Variants in TGM4 observed in about 807,000 individuals in gnomAD.
TGM4 encodes the protein protein-glutamine gamma-glutamyltransferase 4.
TGM4 carries 61 observed loss-of-function variants against 76.3 expected under a neutral mutation model. The ratio of observed to expected loss-of-function variants is 0.80; its 90% CI spans 0.65 to 0.99. The LOEUF (loss-of-function observed/expected upper bound fraction) is 0.99. Ranked by LOEUF, TGM4 falls within the 50% of genes least tolerant of loss-of-function variation. TGM4 has a pLI of 0.00. For missense variants in TGM4, 794 were observed against 843.2 expected, an observed-to-expected ratio of 0.94 and a Z score of 0.72; for synonymous variants, 337 against 329.8, an observed-to-expected ratio of 1.02 and a Z score of -0.24.
chr3:44,912,986 C>T (rs114695136), intron 13 of TGM4, among the ~76,000 whole-genome samples: 2,104 of 152,330 alleles, frequency 0.014, 24 homozygotes, highest in Non-Finnish European at 0.021. Flanking sequence ...TGGTCTGTTT[C>T]TTACAGGATG....
chr3:44,881,380 C>T (rs929749714), intron 1 of TGM4, among the ~76,000 whole-genome samples: 2 of 152,102 alleles, frequency 1.3e-5, no homozygotes, highest in Non-Finnish European at 2.9e-5. Context: ...TTTTCTGTTG[C>T]TTATAAAAGA....
chr3:44,887,889 T>G, intron 3 of TGM4, 94 bp downstream of exon 3: 1 of 1,112,620 alleles, frequency 9.0e-7, no homozygotes, highest in Non-Finnish European at 1.3e-6. Flanking sequence ...ACCTGTCAGC[T>G]GGTAACATGG....
At chr3:44,898,001 GC>G (rs1301806327) in intron 6 of TGM4, among the ~76,000 whole-genome samples, 2 of 152,230 alleles carry the variant, frequency 1.3e-5, no homozygotes, top group African/African-American at 4.8e-5. Context: ...GCAGAGGACG[GC>G]CGGGCGTGGT....
At chr3:44,901,177 C>T (rs1387032436) in intron 6 of TGM4, among the ~76,000 whole-genome samples, 1 of 152,184 alleles carries the variant, frequency 6.6e-6, no homozygotes, top group Non-Finnish European at 1.5e-5. Flanking sequence ...GAAGTTGAGG[C>T]TGCAGTGAGC....
chr3:44,910,896 G>A, intron 11 of TGM4, 62 bp from the exon 12 acceptor site: 3 of 1,553,110 alleles, frequency 1.9e-6, no homozygotes, highest in Non-Finnish European at 2.6e-6. Flanking sequence ...GCTTGATGAG[G>A]AGAACTCATA....
At chr3:44,884,966 G>C (rs1384846888) in intron 1 of TGM4, among the ~76,000 whole-genome samples, 2 of 152,182 alleles carry the variant, frequency 1.3e-5, no homozygotes, top group African/African-American at 2.4e-5. Flanking sequence ...GGGGGAGTTG[G>C]GGTGGGAAAC....
intron 4 of TGM4, 47 bp from the exon 5 acceptor site, chr3:44,893,530 G>A: frequency 6.4e-7 from 1 of 1,557,230 alleles, no homozygotes; most frequent in Non-Finnish European, 8.9e-7. Flanking sequence ...GCCTGCTCCT[G>A]TCCCAGGGCA....
chr3:44,889,750 G>A (rs1485692694), intron 3 of TGM4, among the ~76,000 whole-genome samples: 1 of 152,130 alleles, frequency 6.6e-6, no homozygotes, highest in East Asian at 1.9e-4. Context: ...TTGGACCAAT[G>A]GCCTTCTGGG....
intron 1 of TGM4, among the ~76,000 whole-genome samples, chr3:44,882,557 G>A (rs781010163): frequency 2.0e-5 from 3 of 152,196 alleles, no homozygotes; most frequent in Admixed American, 6.5e-5. Context: ...TTGGTTTCTG[G>A]TGGCTCCAGG....
intron 9 of TGM4, among the ~76,000 whole-genome samples, chr3:44,905,611 G>A (rs1559619482): frequency 1.3e-5 from 2 of 152,218 alleles, no homozygotes; most frequent in East Asian, 1.9e-4. Context: ...AGGCATTCAG[G>A]TTACAATTTA....
chr3:44,881,203 T>TAAA lies in TGM4; in HGVS notation c.20-4111_20-4109dup, dbSNP rs56209528. Among the ~76,000 whole-genome samples the TAAA allele has an allele frequency of 4.8e-5, 7 of 145,914 alleles. No individual in the cohort carries two copies. The South Asian group carries it at 1.3e-3, about 27-fold the overall frequency. ...TGGGTGACAGAGCAAGGCCCTGTAT[T>TAAA]AAAAAAAAAAAAATCAAAGTAATCT... On this transcript the variant is annotated intron_variant, in intron 1 of 13. Coordinates refer to ENST00000296125, the MANE Select transcript of TGM4 (RefSeq NM_003241.4).
At position 44,903,936 on chromosome 3, in the gene TGM4, G is replaced by C; in HGVS notation, c.1024G>C (p.Gly342Arg). The C allele has an allele frequency of 6.2e-7, 1 of 1,614,192 alleles. No homozygotes were observed. Among genetic ancestry groups the C allele is most frequent in the Admixed American group, 1.7e-5 (1 of 60,028 alleles). ...AWMKRPDLPK[G>R]YDGWQAVDAT... ...GATGAAGCGACCGGATCTGCCCAAG[G>C]GCTACGACGGCTGGCAGGCTGTGGA... Residue 342 changes from glycine (G) to arginine (R), a missense_variant, in exon 9 of 14, where the codon GGC becomes CGC. Physicochemically the swap from Gly to Arg is moderately radical, Grantham distance 125. Coordinates refer to ENST00000296125, the MANE Select transcript of TGM4 (RefSeq NM_003241.4).
At chr3:44,882,367 G>C (rs9828821) in intron 1 of TGM4, among the ~76,000 whole-genome samples, 4,814 of 152,282 alleles carry the variant, frequency 0.032, 161 homozygotes, top group African/African-American at 0.085. Context: ...TCCAGTACTG[G>C]CCATCTGTTA....
rs769762568 is a variant in TGM4, at chr3:44,910,960, T to A, written c.1609T>A (p.Ser537Thr). 1 of 1,613,968 alleles carries A rather than the reference T, an allele frequency of 6.2e-7. No homozygotes were observed. The highest frequency in any genetic ancestry group is 1.1e-5 in the South Asian group (1 of 91,066). ...NKTSQIQGQVSEVTLTLDSKT... is the reference protein window; with the variant it reads ...NKTSQIQGQVTEVTLTLDSKT... ...CCTCCACCCTGACTCTTTGGCAGTA[T>A]CAGAAGTGACTCTGACCTTGGACTC... Residue 537 changes from serine to threonine, a missense_variant and splice_region_variant, in exon 12 of 14, where the codon TCA (serine) becomes ACA (threonine). Ser to Thr is a moderately conservative substitution (Grantham distance 58). Transcript: ENST00000296125.
At chr3:44,903,656 C>T (rs892386938) in intron 8 of TGM4, 3 of 550,454 alleles carry the variant, frequency 5.5e-6, no homozygotes, top group Non-Finnish European at 6.5e-6. Context: ...TGAGGTTCCC[C>T]CAGCCCTGCC....
At chr3:44,883,062 C>T (rs577116883) in intron 1 of TGM4, among the ~76,000 whole-genome samples, 2 of 152,314 alleles carry the variant, frequency 1.3e-5, no homozygotes, top group East Asian at 1.9e-4. Flanking sequence ...GGTCACCCAC[C>T]TGCCCAGTCC....
At chr3:44,910,579 T>G (rs774020422) in intron 11 of TGM4, among the ~76,000 whole-genome samples, 1 of 152,194 alleles carries the variant, frequency 6.6e-6, no homozygotes, top group Admixed American at 6.5e-5. Context: ...ACTAGGAGCC[T>G]GGGTCTATCG....
intron 1 of TGM4, among the ~76,000 whole-genome samples, chr3:44,877,300 T>A (rs1181053289): frequency 6.6e-6 from 1 of 151,934 alleles, no homozygotes; most frequent in Admixed American, 6.6e-5. Flanking sequence ...ATACAAAAAT[T>A]AGCCGGGTGT....
At chr3:44,874,734 C>T (rs1278966544) in intron 1 of TGM4, 37 bp downstream of exon 1, 12 of 1,613,902 alleles carry the variant, frequency 7.4e-6, no homozygotes, top group Non-Finnish European at 1.0e-5. Flanking sequence ...CCCACATGCC[C>T]CTTCAGCCAG....
Sources: allele counts gnomAD v4.1 joint callset (sites outside exome capture counted in the v4.1 genomes callset), GRCh38; gene constraint gnomAD v4.1.1; transcripts MANE v1.5; gene names NCBI Gene and HGNC (gene_info 2026-07-23, HGNC 2026-07-21).